The following DZIP1L variants were observed in gnomAD, a reference collection of about 807,000 sequenced individuals.
The protein encoded by DZIP1L is DAZ interacting zinc finger protein 1 like.
A neutral mutation model predicts 88.7 loss-of-function variants in DZIP1L; 90 were observed. The ratio of observed to expected loss-of-function variants is 1.02; its 90% CI spans 0.86 to 1.21. The LOEUF is 1.21. DZIP1L is among the 50% of genes most tolerant of loss of function. DZIP1L has a pLI of 0.00. For synonymous variants in DZIP1L, 363 were observed against 372.1 expected, an observed-to-expected ratio of 0.98 and a Z score of 0.28; for missense variants, 932 against 955.8, an observed-to-expected ratio of 0.98 and a Z score of 0.33.
At chr3:138,093,724 A>G (rs1221628327) in intron 4 of DZIP1L, among the ~76,000 whole-genome samples, 1 of 152,210 alleles carries the variant, frequency 6.6e-6, no homozygotes, top group East Asian at 1.9e-4. Context: ...CCTTAAACCT[A>G]TGAACCAATC....
chr3:138,105,284 T>C (rs1392324712), intron 1 of DZIP1L, among the ~76,000 whole-genome samples: 1 of 151,900 alleles, frequency 6.6e-6, no homozygotes, highest in Non-Finnish European at 1.5e-5. Context: ...GATAAATAAA[T>C]GGATGGATGG....
intron 1 of DZIP1L, among the ~76,000 whole-genome samples, chr3:138,105,212 T>C (rs1460587197): frequency 6.6e-6 from 1 of 152,078 alleles, no homozygotes; most frequent in Non-Finnish European, 1.5e-5. Flanking sequence ...AAGTGAAAGA[T>C]ATATATCATA....
rs745730031 is a variant in DZIP1L at position 138,063,523 on chromosome 3, C to A, written c.2143-546G>T. 5.3e-5 allele frequency among the ~76,000 whole-genome samples: 8 copies of A among 152,198 alleles called. No individual in the cohort carries two copies. The highest frequency in any genetic ancestry group is 2.0e-4 in the Admixed American group (3 of 15,280). The stretch of plus-strand genomic sequence containing the variant: ...GCTCAGAGTCAGCCAAGGGACCAGG[C>A]CACCCCCTGACCACAGCCACCTGCG... On this transcript the variant is annotated intron_variant, in intron 15 of 15. Coordinates refer to ENST00000327532, the MANE Select transcript of DZIP1L (RefSeq NM_173543.3). The surrounding 1 kb of genome is among the most constrained non-coding windows in gnomAD (Gnocchi z 4.1).
chr3:138,099,834 C>A (rs1285708570), intron 2 of DZIP1L, among the ~76,000 whole-genome samples: 1 of 152,164 alleles, frequency 6.6e-6, no homozygotes, highest in Non-Finnish European at 1.5e-5. Flanking sequence ...CATCAGGTGC[C>A]CAGTCTTGAA....
rs1942765444 is a variant in DZIP1L at position 138,063,257 on chromosome 3, TGC to T, written c.2143-282_2143-281del. Among the ~76,000 whole-genome samples the T allele has an allele frequency of 6.6e-6, 1 of 152,220 alleles. No individual in the cohort carries two copies. Among genetic ancestry groups the T allele is most frequent in the Non-Finnish European group, 1.5e-5 (1 of 68,038 alleles). On this transcript the variant is annotated intron_variant, in intron 15 of 15. Coordinates refer to ENST00000327532, the MANE Select transcript of DZIP1L (RefSeq NM_173543.3). The surrounding 1 kb of genome is among the most constrained non-coding windows in gnomAD (Gnocchi z 4.1). ...GGAAAGGCCTATGTGCAGAGAAGGT[TGC>T]TCTCATTTTCACTTCAACTTTGGGC... is the stretch of plus-strand genomic sequence containing the variant.
intron 1 of DZIP1L, chr3:138,108,052 C>G (rs112990818): frequency 2.0e-5 from 4 of 196,028 alleles, no homozygotes; most frequent in African/African-American, 4.7e-5. Flanking sequence ...GGCGCGATCT[C>G]GGCTCACTGC....
Position 138,080,470 on chromosome 3 carries a change from A to C in DZIP1L, c.1288+97T>G, listed in dbSNP as rs1030693393. On this transcript the variant is annotated intron_variant, in intron 10 of 15. Coordinates refer to ENST00000327532, the MANE Select transcript of DZIP1L (RefSeq NM_173543.3). ...TTAGATCCCTCCACTCCAGCTTCGG[A>C]TGTCCAGATACAGTTAAGTAGAGAC... 8.2e-6 allele frequency: 11 copies of C among 1,346,442 alleles called. No individual in the cohort carries two copies. The African/African-American group carries it at 1.4e-4, about 18-fold the overall frequency. The allele number at this position is 1,346,442 out of a possible 1,614,324, so 83.4% of individuals were successfully genotyped here.
In DZIP1L at chr3:138,077,582, G is replaced by A. The variant is rs114974820; in HGVS notation, c.1339C>T (p.Arg447Cys). The A allele has an allele frequency of 2.0e-3, 3,250 of 1,614,160 alleles. 8 individuals are homozygous for A. Among genetic ancestry groups the A allele is most frequent in the Non-Finnish European group, 2.4e-3 (2,884 of 1,180,026 alleles). Residue 447 changes from arginine to cysteine, a missense_variant, in exon 11 of 16, where the codon CGT becomes TGT. By Grantham distance (180) the Arg-to-Cys change is radical. Transcript: ENST00000327532. ...EQHKVLAALR[R>C]NPTLLKHFRP... ...AAGTGCTTCAGCAAAGTGGGGTTAC[G>A]CCTCAGAGCTGCCAGCACCTTGTGC... is the stretch of plus-strand genomic sequence containing the variant.
At position 138,103,589 on chromosome 3, in the gene DZIP1L, T is replaced by C. The variant is rs149119419; in HGVS notation, c.383A>G (p.Glu128Gly). 6.2e-7 allele frequency: 1 copy of C among 1,607,550 alleles called. No homozygotes were observed. The highest frequency in any genetic ancestry group is 8.5e-7 in the Non-Finnish European group (1 of 1,179,498). The change falls in exon 2 of 16, where the codon GAG (glutamate) becomes GGG (glycine). Residue 128 changes from glutamate (E) to glycine (G), a missense_variant. Transcript: ENST00000327532. ...GAGCTCGTCAGCCTGGCGTCCCAGC[T>C]CCTGCTGACCACGCTGCTGCTGGCC... ...SLGQQQRGQQ[E>G]LGRQADELKG...
At chr3:138,070,615 A>C (rs1200900259) in intron 12 of DZIP1L, among the ~76,000 whole-genome samples, 3 of 152,242 alleles carry the variant, frequency 2.0e-5, no homozygotes, top group Admixed American at 1.3e-4. Context: ...CATGAGGAAA[A>C]ATAAAAATAA....
At chr3:138,079,222 G>C (rs2622710) in intron 10 of DZIP1L, among the ~76,000 whole-genome samples, 100,354 of 152,028 alleles carry the variant, frequency 0.66, 33,458 homozygotes, top group Non-Finnish European at 0.7. Flanking sequence ...TCAGTCTCAG[G>C]CTCCTCCTCT....
At chr3:138,074,962 C>T (rs937180558) in intron 11 of DZIP1L, among the ~76,000 whole-genome samples, 1 of 152,148 alleles carries the variant, frequency 6.6e-6, no homozygotes, top group Admixed American at 6.5e-5. Context: ...GGAAAAAAAA[C>T]ATTCCATGCA....
At chr3:138,094,601 GC>G (rs1331792949) in intron 4 of DZIP1L, among the ~76,000 whole-genome samples, 2 of 152,238 alleles carry the variant, frequency 1.3e-5, no homozygotes, top group Non-Finnish European at 2.9e-5. Context: ...AGGTTCAAAT[GC>G]CCTCAGAGGG....
At chr3:138,068,496 A>G in intron 12 of DZIP1L, 129 bp from the exon 13 acceptor site, 1 of 649,016 alleles carries the variant, frequency 1.5e-6, no homozygotes, top group Non-Finnish European at 2.3e-6. Context: ...TAATAACCAC[A>G]GCAGATTTCA....
chr3:138,075,716 G>T (rs113377834), intron 11 of DZIP1L, among the ~76,000 whole-genome samples: 4,039 of 152,270 alleles, frequency 0.027, 167 homozygotes, highest in African/African-American at 0.092. Context: ...GGCCTGGCGC[G>T]GTGGCTCACG....
intron 15 of DZIP1L, chr3:138,064,280 G>A (rs1942795204): frequency 1.0e-6 from 1 of 999,260 alleles, no homozygotes. Flanking sequence ...GGACTGGGGA[G>A]GAGCCCACTG....
intron 11 of DZIP1L, among the ~76,000 whole-genome samples, chr3:138,072,834 G>A (rs143643777): frequency 5.9e-5 from 9 of 152,300 alleles, no homozygotes; most frequent in African/African-American, 1.7e-4. Context: ...GGCACAGTGC[G>A]AGTGAGACCG....
In DZIP1L at chr3:138,097,775, CGCCTGCAT is replaced by C. The variant is rs750669348; in HGVS notation, c.566_573del (p.His189ArgfsTer58). 6.2e-7 allele frequency: 1 copy of C among 1,611,838 alleles called. No homozygotes were observed. The highest frequency in any genetic ancestry group is 8.5e-7 in the Non-Finnish European group (1 of 1,179,098). On this transcript the variant is annotated frameshift_variant, in exon 3 of 16. Coordinates refer to ENST00000327532, the MANE Select transcript of DZIP1L (RefSeq NM_173543.3). LOFTEE classifies it high-confidence loss of function. Reference sequence around the variant, plus strand: ...TGTCTGGACTCACCACCTTCTGCCACGCCTGCATGCCTGCGCTGGATGTGGCCCCGGAG... The same window carrying C: ...TGTCTGGACTCACCACCTTCTGCCACGCCTGCGCTGGATGTGGCCCCGGAG...
chr3:138,088,556 T>G (rs377514143), intron 5 of DZIP1L, 49 bp from the exon 6 acceptor site: 38 of 1,596,234 alleles, frequency 2.4e-5, no homozygotes, highest in Non-Finnish European at 3.2e-5. Flanking sequence ...CTCATCATGA[T>G]GTTGTCTTTT....
Sources: allele counts gnomAD v4.1 joint callset (sites outside exome capture counted in the v4.1 genomes callset), GRCh38; gene constraint gnomAD v4.1.1; non-coding constraint Gnocchi (gnomAD v3.1); transcripts MANE v1.5; gene names NCBI Gene and HGNC (gene_info 2026-07-23, HGNC 2026-07-21).